The following SLCO6A1 variants were observed in gnomAD, a reference collection of about 807,000 sequenced individuals.
The protein encoded by SLCO6A1 is solute carrier organic anion transporter family member 6A1.
A neutral mutation model predicts 72.7 loss-of-function variants in SLCO6A1; 65 were observed. The observed-to-expected ratio is 0.89, with a 90% confidence interval of 0.73 to 1.10. SLCO6A1 has a LOEUF of 1.10. SLCO6A1 is among the 50% of genes least tolerant of loss of function. SLCO6A1 has a pLI of 0.00. For synonymous variants in SLCO6A1, 314 were observed against 298.2 expected, an observed-to-expected ratio of 1.05 and a Z score of -0.55; for missense variants, 874 against 872.6, an observed-to-expected ratio of 1.00 and a Z score of -0.02.
rs1753026812 is a variant in SLCO6A1 at position 102,498,703 on chromosome 5, G to GT, written c.141dup (p.His48ThrfsTer36). ...TCTGGAAGTAGTCTCAGATACCGGT[G>GT]TTTTTTCCCGGGCTTCGAGGACTTC... On this transcript the variant is annotated frameshift_variant, in exon 1 of 14. Transcript: ENST00000506729. LOFTEE classifies it high-confidence loss of function. 1 of 1,614,152 alleles carries GT rather than the reference G, an allele frequency of 6.2e-7. No homozygotes were observed. The highest frequency in any genetic ancestry group is 8.5e-7 in the Non-Finnish European group (1 of 1,180,032).
At chr5:102,447,514 C>T (rs930206193) in intron 6 of SLCO6A1, among the ~76,000 whole-genome samples, 3 of 151,950 alleles carry the variant, frequency 2.0e-5, no homozygotes, top group African/African-American at 7.2e-5. Context: ...TTTTCTGGTT[C>T]GTTGGTCGTT....
At position 102,381,423 on chromosome 5, in the gene SLCO6A1, A is replaced by G. The variant is rs143351734; in HGVS notation, c.2017+7265T>C. Among the ~76,000 whole-genome samples the G allele has an allele frequency of 3.0e-3, 451 of 151,958 alleles. 1 individual carries two copies. Among genetic ancestry groups the G allele is most frequent in the African/African-American group, 0.011 (439 of 41,524 alleles). ...AGAATTTTCTTCCTTTTTAAGGATG[A>G]ATAGTATTCCATTGTATGTATGTCT... is the stretch of plus-strand genomic sequence containing the variant. On this transcript the variant is annotated intron_variant, in intron 12 of 13. Transcript: ENST00000506729.
intron 7 of SLCO6A1, among the ~76,000 whole-genome samples, chr5:102,425,127 A>G (rs892195787): frequency 3.3e-5 from 5 of 152,180 alleles, no homozygotes; most frequent in Non-Finnish European, 7.4e-5. Context: ...TATCAAAATA[A>G]TAAGAGCTAT....
chr5:102,416,030 G>A (rs1427409076), intron 8 of SLCO6A1, among the ~76,000 whole-genome samples: 3 of 152,026 alleles, frequency 2.0e-5, no homozygotes, highest in Non-Finnish European at 4.4e-5. Flanking sequence ...TAGTCAGAAT[G>A]GCTATTTTTA....
chr5:102,392,871 C>T (rs911913357), intron 10 of SLCO6A1, among the ~76,000 whole-genome samples: 10 of 151,934 alleles, frequency 6.6e-5, no homozygotes, highest in East Asian at 1.9e-4. Flanking sequence ...TATAAGACAT[C>T]GGTTCTAAAT....
intron 8 of SLCO6A1, among the ~76,000 whole-genome samples, chr5:102,416,176 A>G (rs1337181644): frequency 6.6e-6 from 1 of 152,124 alleles, no homozygotes; most frequent in Non-Finnish European, 1.5e-5. Context: ...AAATATAACT[A>G]CCATTCAATC....
At chr5:102,393,984 C>T (rs1236072501) in intron 10 of SLCO6A1, among the ~76,000 whole-genome samples, 3 of 152,154 alleles carry the variant, frequency 2.0e-5, no homozygotes, top group African/African-American at 7.2e-5. Context: ...CTGAAAACTG[C>T]CCGTTTGCTT....
Position 102,485,487 on chromosome 5 carries a change from G to T in SLCO6A1, c.359-5053C>A, listed in dbSNP as rs1210719407. On this transcript the variant is annotated intron_variant, in intron 1 of 13. Transcript: ENST00000506729. ...TGGTGAAGATCTTTCTTGTCATGGGGTGTGGGTGTGGAGTCTGAGTACCTG... is the reference window on the plus strand; with the variant it reads ...TGGTGAAGATCTTTCTTGTCATGGGTTGTGGGTGTGGAGTCTGAGTACCTG... Among the ~76,000 whole-genome samples the T allele has an allele frequency of 5.9e-5, 9 of 152,188 alleles. No homozygotes were observed. In the East Asian group the frequency reaches 1.5e-3, roughly 26 times the overall value.
intron 10 of SLCO6A1, among the ~76,000 whole-genome samples, chr5:102,392,579 T>A (rs973464097): frequency 6.6e-6 from 1 of 152,010 alleles, no homozygotes; most frequent in Admixed American, 6.6e-5. Context: ...CAAAACAAGA[T>A]GAAAAGATAA....
intron 11 of SLCO6A1, among the ~76,000 whole-genome samples, chr5:102,389,499 T>G (rs1386263891): frequency 4.1e-5 from 5 of 121,732 alleles, no homozygotes; most frequent in Middle Eastern, 5.0e-3. Flanking sequence ...ACTCAGATTC[T>G]CAGAACTAAA....
chr5:102,488,805 C>T (rs999100725), intron 1 of SLCO6A1, among the ~76,000 whole-genome samples: 3 of 152,078 alleles, frequency 2.0e-5, no homozygotes, highest in Non-Finnish European at 2.9e-5. Flanking sequence ...TCTAGATTTC[C>T]CATTTTAAGG....
At chr5:102,489,826 T>G (rs562411584) in intron 1 of SLCO6A1, among the ~76,000 whole-genome samples, 1 of 152,158 alleles carries the variant, frequency 6.6e-6, no homozygotes, top group Non-Finnish European at 1.5e-5. Flanking sequence ...TCATAATAGT[T>G]AAAATATGGA....
At chr5:102,427,860 ATATATTTTTT>A (rs1203922191) in intron 7 of SLCO6A1, among the ~76,000 whole-genome samples, 92 of 99,448 alleles carry the variant, frequency 9.3e-4, no homozygotes, top group African/African-American at 5.0e-3. Flanking sequence ...ATATATATAT[ATATATTTTTT>A]TTTTTTTTTT....
At chr5:102,461,267 C>A (rs1751025250) in intron 4 of SLCO6A1, among the ~76,000 whole-genome samples, 1 of 151,616 alleles carries the variant, frequency 6.6e-6, no homozygotes, top group Admixed American at 6.6e-5. Flanking sequence ...GGAATATGTT[C>A]AATAAAGGAA....
At chr5:102,429,038 AATG>A (rs1310369214) in intron 7 of SLCO6A1, among the ~76,000 whole-genome samples, 3 of 152,118 alleles carry the variant, frequency 2.0e-5, no homozygotes, top group Admixed American at 6.6e-5. Flanking sequence ...GCATTTCTCT[AATG>A]ATAAGTGATA....
intron 12 of SLCO6A1, among the ~76,000 whole-genome samples, chr5:102,384,382 GTT>G (rs1270251813): frequency 6.6e-6 from 1 of 151,844 alleles, no homozygotes; most frequent in Non-Finnish European, 1.5e-5. Flanking sequence ...CTCTCTGACT[GTT>G]TTCTGACTCT....
At chr5:102,413,418 A>T (rs1019461172) in intron 8 of SLCO6A1, among the ~76,000 whole-genome samples, 2 of 152,062 alleles carry the variant, frequency 1.3e-5, no homozygotes, top group Admixed American at 6.6e-5. Context: ...TAATAAAAAA[A>T]AAAACCCAAA....
chr5:102,448,566 G>A (rs1117556), intron 6 of SLCO6A1, among the ~76,000 whole-genome samples: 98,405 of 152,004 alleles, frequency 0.65, 32,061 homozygotes, highest in African/African-American at 0.67. Flanking sequence ...TGTTGGTTGC[G>A]TATATATTTA....
At chr5:102,397,826 C>A (rs1391400916) in intron 10 of SLCO6A1, among the ~76,000 whole-genome samples, 3 of 152,084 alleles carry the variant, frequency 2.0e-5, no homozygotes, top group African/African-American at 7.2e-5. Context: ...TCAACTTTGT[C>A]ATTTTTTTGT....
Sources: allele counts gnomAD v4.1 joint callset (sites outside exome capture counted in the v4.1 genomes callset), GRCh38; gene constraint gnomAD v4.1.1; transcripts MANE v1.5; gene names NCBI Gene and HGNC (gene_info 2026-07-23, HGNC 2026-07-21).